The following DLGAP2 variants were observed in gnomAD, a reference collection of about 807,000 sequenced individuals.
DLGAP2 encodes the protein disks large-associated protein 2.
Under a neutral mutation model 100.3 loss-of-function variants are expected in DLGAP2, and 26 were observed. The observed-to-expected ratio is 0.26, with a 90% CI of 0.19 to 0.36. DLGAP2 has a LOEUF of 0.36. Among genes scored for constraint, DLGAP2 ranks in the 10% least tolerant of loss-of-function variants. The probability of loss-of-function intolerance (pLI) is 1.00; values close to 1 mark genes in which losing one functional copy is unlikely to be tolerated. For synonymous variants in DLGAP2, 886 were observed against 630.1 expected, an observed-to-expected ratio of 1.41 and a Z score of -6.08; for missense variants, 1,858 against 1,453.2, an observed-to-expected ratio of 1.28 and a Z score of -4.53.
chr8:866,082 G>A (rs1295324899), intron 1 of DLGAP2, among the ~76,000 whole-genome samples: 1 of 152,170 alleles, frequency 6.6e-6, no homozygotes, highest in Non-Finnish European at 1.5e-5. Flanking sequence ...CGGAGCCATG[G>A]TGCTTATTGG....
At chr8:1,585,509 G>C (rs1320213729) in intron 6 of DLGAP2, among the ~76,000 whole-genome samples, 1 of 152,204 alleles carries the variant, frequency 6.6e-6, no homozygotes, top group East Asian at 1.9e-4. Context: ...AGTGAGTGCT[G>C]TCTTTTACCA....
In DLGAP2 at chr8:1,114,499, G is replaced by A. The variant is rs557459465; in HGVS notation, c.74-144352G>A. Among the ~76,000 whole-genome samples the A allele has an allele frequency of 1.5e-3, 221 of 152,238 alleles. 1 individual carries two copies. The highest frequency in any genetic ancestry group is 5.2e-3 in the African/African-American group (216 of 41,558). ...GATTGTGTGCATAGAGGTGTTCATA[G>A]TAGTTTTTGGTGGTTATTTTTATTT... On this transcript the variant is annotated intron_variant, in intron 2 of 14. Coordinates refer to ENST00000637795, the MANE Select transcript of DLGAP2 (RefSeq NM_001346810.2).
chr8:1,217,278 A>G (rs1676548075), intron 2 of DLGAP2, among the ~76,000 whole-genome samples: 1 of 152,152 alleles, frequency 6.6e-6, no homozygotes, highest in South Asian at 2.1e-4. Context: ...TGTTCCTGCA[A>G]AGGATATGAT....
chr8:1,454,142 A>G (rs1798239738), intron 3 of DLGAP2, among the ~76,000 whole-genome samples: 1 of 152,158 alleles, frequency 6.6e-6, no homozygotes, highest in Non-Finnish European at 1.5e-5. Flanking sequence ...TGGGCTGGGG[A>G]TGGGGTTCGG....
chr8:1,002,863 T>G (rs1299313737), intron 2 of DLGAP2: 1 of 152,264 alleles, frequency 6.6e-6, no homozygotes, highest in African/African-American at 2.4e-5. Context: ...ATGCCCAGCA[T>G]GGCGCTAGTG....
rs561724777 is a variant in DLGAP2 at position 1,201,976 on chromosome 8, G to C, written c.74-56875G>C. Among the ~76,000 whole-genome samples the C allele has an allele frequency of 7.1e-4, 103 of 144,954 alleles. 4 individuals carry two copies. In the South Asian group the frequency reaches 0.022, roughly 31 times the overall value. On this transcript the variant is annotated intron_variant, in intron 2 of 14. Coordinates refer to ENST00000637795, the MANE Select transcript of DLGAP2 (RefSeq NM_001346810.2). ...TACACATGTGGTGTGTACAGTATCT[G>C]TGTATCTGTGTATATGTGGTGTGTG...
intron 2 of DLGAP2, among the ~76,000 whole-genome samples, chr8:1,038,629 T>C (rs1802201752): frequency 1.3e-5 from 2 of 152,356 alleles, no homozygotes; most frequent in Non-Finnish European, 1.5e-5. Flanking sequence ...AGCCCTCTTT[T>C]GGTTAGCACT....
intron 3 of DLGAP2, among the ~76,000 whole-genome samples, chr8:1,407,724 T>C (rs1324438164): frequency 7.8e-6 from 1 of 127,700 alleles, no homozygotes; most frequent in African/African-American, 3.0e-5. Context: ...TATTGAGTGC[T>C]TACTGAGCGC....
chr8:850,668 A>G (rs1434516521), intron 1 of DLGAP2, among the ~76,000 whole-genome samples: 1 of 152,188 alleles, frequency 6.6e-6, no homozygotes, highest in Non-Finnish European at 1.5e-5. Flanking sequence ...AAAGCAATAT[A>G]TGCATTATTG....
chr8:1,248,945 C>G (rs1397791475), intron 2 of DLGAP2, among the ~76,000 whole-genome samples: 2 of 152,134 alleles, frequency 1.3e-5, no homozygotes, highest in Admixed American at 1.3e-4. Context: ...GGATGAATTT[C>G]TCAGAGAGGC....
chr8:1,691,663 C>G lies in DLGAP2; in HGVS notation c.2796+37C>G, dbSNP rs200622548. On this transcript the variant is annotated intron_variant, in intron 13 of 14. Transcript: ENST00000637795. ...CTCAGTGAACCCCTGTTCCCTGTAA[C>G]CAAGCTAATGGGCATCATTCCACAG... is the stretch of plus-strand genomic sequence containing the variant. The G allele has an allele frequency of 1.2e-4, 179 of 1,505,818 alleles. 1 individual carries two copies. The African/African-American group carries it at 2.3e-3, about 19-fold the overall frequency. The allele number at this position is 1,505,818 out of a possible 1,614,324, so 93.3% of individuals were successfully genotyped here. A position where few individuals can be genotyped will look rare whatever the true frequency, so the allele number is the denominator to read the frequency against.
chr8:1,169,403 T>G (rs1305329709), intron 2 of DLGAP2, among the ~76,000 whole-genome samples: 2 of 152,192 alleles, frequency 1.3e-5, no homozygotes, highest in Non-Finnish European at 2.9e-5. Flanking sequence ...AAGTAGTTTT[T>G]TCCAATTCTG....
intron 3 of DLGAP2, among the ~76,000 whole-genome samples, chr8:1,450,966 T>C (rs1177933021): frequency 6.6e-6 from 1 of 152,160 alleles, no homozygotes; most frequent in Non-Finnish European, 1.5e-5. Flanking sequence ...AAATGCATCA[T>C]ACCTCGTAAG....
intron 2 of DLGAP2, among the ~76,000 whole-genome samples, chr8:1,141,583 A>C (rs1796523407): frequency 6.6e-6 from 1 of 152,188 alleles, no homozygotes; most frequent in Non-Finnish European, 1.5e-5. Context: ...TTTATAAGAG[A>C]TTACACCAAT....
At chr8:757,224 A>G (rs1457141336) in intron 1 of DLGAP2, among the ~76,000 whole-genome samples, 1 of 152,046 alleles carries the variant, frequency 6.6e-6, no homozygotes, top group Non-Finnish European at 1.5e-5. Flanking sequence ...AACTCGGACC[A>G]TTTCCTCACT....
intron 2 of DLGAP2, among the ~76,000 whole-genome samples, chr8:1,138,487 G>A (rs952525359): frequency 8.5e-5 from 13 of 152,206 alleles, no homozygotes; most frequent in African/African-American, 3.1e-4. Context: ...TCAGGTCCAC[G>A]GGGCCCTGAA....
chr8:1,533,346 CA>C (rs368923797), intron 4 of DLGAP2, among the ~76,000 whole-genome samples: 28 of 148,310 alleles, frequency 1.9e-4, no homozygotes, highest in African/African-American at 4.7e-4. Flanking sequence ...AAAATACAAA[CA>C]AAAAAAAAAT....
chr8:1,387,335 TTTAAAA>T (rs1196427128), intron 3 of DLGAP2, among the ~76,000 whole-genome samples: 2 of 152,178 alleles, frequency 1.3e-5, no homozygotes, highest in African/African-American at 4.8e-5. Context: ...AAATTTGGAA[TTTAAAA>T]TAAAAGAATG....
chr8:755,733 A>G (rs186118720), intron 1 of DLGAP2, among the ~76,000 whole-genome samples: 195 of 152,240 alleles, frequency 1.3e-3, no homozygotes, highest in African/African-American at 4.4e-3. Flanking sequence ...GAGGGGCCCC[A>G]TGTGTGTCAG....
Sources: gnomAD v4.1 joint callset for allele counts (sites outside exome capture counted in the v4.1 genomes callset) on GRCh38, gnomAD v4.1.1 for gene constraint, MANE v1.5 for transcripts, NCBI Gene and HGNC (gene_info 2026-07-23, HGNC 2026-07-21) for gene names.